Variants in OTOGL observed in about 807,000 individuals in gnomAD.
OTOGL encodes otogelin-like protein.
Under a neutral mutation model 318.5 loss-of-function variants are expected in OTOGL, and 285 were observed. The observed-to-expected ratio is 0.89, with a 90% CI of 0.81 to 0.99. The LOEUF (loss-of-function observed/expected upper bound fraction) is 0.99. Among genes scored for constraint, OTOGL ranks in the 50% least tolerant of loss-of-function variants. The probability of loss-of-function intolerance (pLI) is 0.00; values close to 1 mark genes in which losing one functional copy is unlikely to be tolerated. For synonymous variants in OTOGL, 987 were observed against 936.5 expected (o/e 1.05, Z -0.99); for missense variants, 2,899 against 2,845.6 (o/e 1.02, Z -0.43).
chr12:80,144,276 A>G (rs1277746219), intron 1 of OTOGL, among the ~76,000 whole-genome samples: 2 of 151,860 alleles, frequency 1.3e-5, no homozygotes, highest in Non-Finnish European at 2.9e-5. Context: ...TCATTGTTCA[A>G]TTCCCACCTA....
chr12:80,113,333 A>G (rs1869963166), intron 1 of OTOGL, among the ~76,000 whole-genome samples: 1 of 151,866 alleles, frequency 6.6e-6, no homozygotes. Context: ...AGTTCTTTTA[A>G]TTATGATGTT....
At chr12:80,188,537 C>CAA (rs1188831194) in intron 1 of OTOGL, among the ~76,000 whole-genome samples, 9 of 144,794 alleles carry the variant, frequency 6.2e-5, no homozygotes, top group South Asian at 2.1e-4. Flanking sequence ...GACTCTGTCT[C>CAA]AAAAAAAAAA....
At chr12:80,136,406 A>C (rs922103701) in intron 1 of OTOGL, among the ~76,000 whole-genome samples, 17 of 152,198 alleles carry the variant, frequency 1.1e-4, no homozygotes, top group Non-Finnish European at 2.5e-4. Flanking sequence ...TCAATAGTAA[A>C]ATAGCCTCTT....
At chr12:80,134,959 G>A (rs569019259) in intron 1 of OTOGL, among the ~76,000 whole-genome samples, 62 of 152,234 alleles carry the variant, frequency 4.1e-4, no homozygotes, top group African/African-American at 1.5e-3. Flanking sequence ...TATCTTGGGC[G>A]TCTTCTAATC....
chr12:80,254,712 G>T, intron 15 of OTOGL, 142 bp downstream of exon 15: 1 of 665,998 alleles, frequency 1.5e-6, no homozygotes, highest in South Asian at 3.8e-5. Context: ...GAGGATACAT[G>T]GAAAATTGAA....
intron 1 of OTOGL, among the ~76,000 whole-genome samples, chr12:80,110,068 T>C (rs1465967103): frequency 6.4e-4 from 15 of 23,442 alleles, no homozygotes; most frequent in Non-Finnish European, 1.3e-3. Flanking sequence ...TCTTTCTTTC[T>C]TTTTTTTTTT....
chr12:80,149,675 C>T (rs953233085), intron 1 of OTOGL, among the ~76,000 whole-genome samples: 40 of 152,138 alleles, frequency 2.6e-4, no homozygotes, highest in Non-Finnish European at 4.7e-4. Context: ...GCCTCGCTGC[C>T]GCCTTGCAGT....
At chr12:80,289,452 A>C (rs940049058) in intron 26 of OTOGL, among the ~76,000 whole-genome samples, 3 of 152,332 alleles carry the variant, frequency 2.0e-5, no homozygotes, top group East Asian at 3.9e-4. Flanking sequence ...CTCTCGTCAG[A>C]GCCAGCAGGC....
Position 80,337,258 on chromosome 12 carries a change from A to T in OTOGL, c.4860+254A>T, listed in dbSNP as rs116724836. 3.4e-3 allele frequency among the ~76,000 whole-genome samples: 518 copies of T among 152,138 alleles called. 3 individuals are homozygous for T. Among genetic ancestry groups the T allele is most frequent in the African/African-American group, 0.012 (485 of 41,534 alleles). On this transcript the variant is annotated intron_variant, in intron 42 of 58. Transcript: ENST00000547103. ...GTTAAATACACTAGCGACCTCTGAG[A>T]TAGTGTGATTGGCCAGTCTTCTTTG...
intron 1 of OTOGL, among the ~76,000 whole-genome samples, chr12:80,117,260 TA>T (rs5799454): frequency 0.64 from 96,763 of 151,750 alleles, 31,630 homozygotes; most frequent in African/African-American, 0.78. Flanking sequence ...CTGGGTGACT[TA>T]AAAAAATATA....
At chr12:80,281,129 A>G (rs1485122122) in intron 26 of OTOGL, among the ~76,000 whole-genome samples, 1 of 151,854 alleles carries the variant, frequency 6.6e-6, no homozygotes, top group Non-Finnish European at 1.5e-5. Flanking sequence ...GTGTAGAATC[A>G]TATTGTCTGT....
chr12:80,106,560 A>C (rs2137071676), intron 1 of OTOGL, among the ~76,000 whole-genome samples: 1 of 152,278 alleles, frequency 6.6e-6, no homozygotes, highest in Admixed American at 6.5e-5. Context: ...GGCAACTGGC[A>C]CATATTATAA....
intron 26 of OTOGL, among the ~76,000 whole-genome samples, chr12:80,292,450 T>C (rs1285249009): frequency 1.3e-5 from 2 of 152,202 alleles, no homozygotes; most frequent in African/African-American, 4.8e-5. Context: ...ACATCTGCCC[T>C]CCAGTGAGAA....
At position 80,210,881 on chromosome 12, in the gene OTOGL, A is replaced by T. The variant is rs949716264; in HGVS notation, c.114A>T (p.Thr38=). The change falls in exon 3 of 59, where the codon ACA becomes ACT. Residue 38 remains threonine (T), a synonymous_variant. Transcript: ENST00000547103. ...GTGCATCGTCTATATTGATGGGAAC[A>T]TCAAAGTGAGTATTTCTTGTTCTTC... ...YICASSILMG[T]SKNGFNENRQ... is the part of the protein sequence containing the mutation. The T allele has an allele frequency of 8.1e-6, 12 of 1,484,768 alleles. No individual in the cohort carries two copies. Among genetic ancestry groups the T allele is most frequent in the Non-Finnish European group, 1.8e-6 (2 of 1,114,404 alleles). The allele number at this position is 1,484,768 out of a possible 1,614,324, so 92.0% of individuals were successfully genotyped here.
At chr12:80,330,822 C>T (rs1888021894) in intron 37 of OTOGL, among the ~76,000 whole-genome samples, 1 of 152,134 alleles carries the variant, frequency 6.6e-6, no homozygotes, top group Non-Finnish European at 1.5e-5. Flanking sequence ...GATTGTATTT[C>T]TGTATACTAG....
chr12:80,249,504 A>G (rs11503509), intron 11 of OTOGL, among the ~76,000 whole-genome samples: 5,861 of 151,412 alleles, frequency 0.039, 360 homozygotes, highest in African/African-American at 0.14. Context: ...GACCCACTTG[A>G]GGAGGCAGTC....
chr12:80,236,499 G>A (rs1879858069), intron 9 of OTOGL, among the ~76,000 whole-genome samples: 1 of 152,158 alleles, frequency 6.6e-6, no homozygotes, highest in Admixed American at 6.5e-5. Context: ...TGCAATTAAA[G>A]TGAACTCTAA....
intron 32 of OTOGL, among the ~76,000 whole-genome samples, chr12:80,315,542 A>G (rs1353685762): frequency 6.6e-6 from 1 of 152,188 alleles, no homozygotes; most frequent in African/African-American, 2.4e-5. Flanking sequence ...AAGGTGATCT[A>G]GGGAAGTATC....
At chr12:80,203,757 T>A (rs569397576) in intron 1 of OTOGL, among the ~76,000 whole-genome samples, 8 of 152,242 alleles carry the variant, frequency 5.3e-5, no homozygotes, top group Non-Finnish European at 1.2e-4. Flanking sequence ...GGACTTCTTT[T>A]TCTTACTAGA....
Sources: allele counts gnomAD v4.1 joint callset (sites outside exome capture counted in the v4.1 genomes callset), GRCh38; gene constraint gnomAD v4.1.1; transcripts MANE v1.5; gene names NCBI Gene and HGNC (gene_info 2026-07-23, HGNC 2026-07-21).